TSPAN15: variants seen among roughly 807,000 people sequenced by gnomAD.
The protein encoded by TSPAN15 is tetraspanin-15.
A neutral mutation model predicts 34.5 loss-of-function variants in TSPAN15; 20 were observed. That is an observed-to-expected ratio of 0.58 (90% CI 0.41 to 0.84). The LOEUF is 0.84. Ranked by LOEUF, TSPAN15 falls within the 40% of genes least tolerant of loss-of-function variation. The pLI, the probability that TSPAN15 is intolerant of heterozygous loss-of-function variation, is 0.00. For missense variants in TSPAN15, 313 were observed against 386.1 expected (o/e 0.81, Z 1.59); for synonymous variants, 155 against 153.9 (o/e 1.01, Z -0.05).
At position 69,485,019 on chromosome 10, in the gene TSPAN15, G is replaced by A. The variant is rs960680213; in HGVS notation, c.283-122G>A. ...AGGAGGGGGCAGAGGCCTAGGAGCT[G>A]GTAGGAGCTCCCCGAGGGATGCTTC... On this transcript the variant is annotated intron_variant, in intron 2 of 7. Coordinates refer to ENST00000373290, the MANE Select transcript of TSPAN15 (RefSeq NM_012339.5). The A allele has an allele frequency of 2.2e-5, 20 of 927,588 alleles. No homozygotes were observed. The African/African-American group carries it at 3.2e-4, about 15-fold the overall frequency. 57.5% of individuals were successfully genotyped at this position (927,588 alleles called of 1,614,324 possible). A position where few individuals can be genotyped will look rare whatever the true frequency, so the allele number is the denominator to read the frequency against.
intron 5 of TSPAN15, among the ~76,000 whole-genome samples, chr10:69,502,756 G>A (rs1054696705): frequency 6.6e-6 from 1 of 152,098 alleles, no homozygotes; most frequent in African/African-American, 2.4e-5. Context: ...AAGGGTTCTG[G>A]GCTCTGATGC....
At chr10:69,522,195 C>T in the TSPAN15 span, among the ~76,000 whole-genome samples, 1 of 145,750 alleles carries the variant, frequency 6.9e-6, no homozygotes, top group Non-Finnish European at 1.5e-5. Context: ...CCTGTCTCTA[C>T]TAAAAATACA....
chr10:69,496,338 T>C (rs1165015155), intron 4 of TSPAN15, among the ~76,000 whole-genome samples: 15 of 146,608 alleles, frequency 1.0e-4, no homozygotes, highest in African/African-American at 3.7e-4. Context: ...ATAATAATAA[T>C]AATAATAATA....
At chr10:69,504,137 C>T (rs921748653) in intron 5 of TSPAN15, among the ~76,000 whole-genome samples, 4 of 152,172 alleles carry the variant, frequency 2.6e-5, no homozygotes, top group Non-Finnish European at 5.9e-5. Context: ...GGTCATAGCC[C>T]GGGAGCGTGG....
chr10:69,499,676 A>G (rs1445756934), intron 5 of TSPAN15, among the ~76,000 whole-genome samples: 1 of 152,208 alleles, frequency 6.6e-6, no homozygotes, highest in Non-Finnish European at 1.5e-5. Context: ...TGACAAACAA[A>G]ATAAGTAAAA....
the TSPAN15 span, among the ~76,000 whole-genome samples, chr10:69,529,381 A>C: frequency 6.8e-6 from 1 of 148,050 alleles, no homozygotes; most frequent in Non-Finnish European, 1.5e-5. Context: ...CACTGCCATC[A>C]ATTGCGCAGT....
At chr10:69,496,497 G>C (rs1842088805) in intron 4 of TSPAN15, among the ~76,000 whole-genome samples, 1 of 152,140 alleles carries the variant, frequency 6.6e-6, no homozygotes, top group African/African-American at 2.4e-5. Context: ...GTCGTCATGA[G>C]GATTACCTTG....
intron 3 of TSPAN15, among the ~76,000 whole-genome samples, chr10:69,485,941 G>C (rs1203662863): frequency 6.6e-6 from 1 of 152,192 alleles, no homozygotes; most frequent in African/African-American, 2.4e-5. Context: ...GTGATGCCTG[G>C]CATCCTGGCC....
the TSPAN15 span, among the ~76,000 whole-genome samples, chr10:69,526,431 A>G: frequency 6.7e-6 from 1 of 148,404 alleles, no homozygotes; most frequent in Non-Finnish European, 1.5e-5. Flanking sequence ...AATTGTCAAC[A>G]TCATCAGAGA....
chr10:69,507,182 G>A lies in TSPAN15; in HGVS notation c.*204G>A, dbSNP rs373828363. ...GGGCCTCCCCTAAGAGGCTTTCCCC[G>A]AGGCAGCTCTGGAATCTGTGCCCAC... On this transcript the variant is annotated 3_prime_UTR_variant, in exon 8 of 8. Coordinates refer to ENST00000373290, the MANE Select transcript of TSPAN15 (RefSeq NM_012339.5). 11 of 1,420,754 alleles carry A rather than the reference G, an allele frequency of 7.7e-6. No individual in the cohort carries two copies. Among genetic ancestry groups the A allele is most frequent in the East Asian group, 2.6e-5 (1 of 38,428 alleles). The allele number at this position is 1,420,754 out of a possible 1,614,324, so 88.0% of individuals were successfully genotyped here. A position where few individuals can be genotyped will look rare whatever the true frequency, so the allele number is the denominator to read the frequency against.
intron 1 of TSPAN15, among the ~76,000 whole-genome samples, chr10:69,482,098 G>A (rs1841746581): frequency 6.6e-6 from 1 of 151,854 alleles, no homozygotes; most frequent in African/African-American, 2.4e-5. Flanking sequence ...CAGAAATAGT[G>A]TAGTATGTTA....
chr10:69,452,577 C>G (rs2033372), intron 1 of TSPAN15, among the ~76,000 whole-genome samples: 14,341 of 152,186 alleles, frequency 0.094, 843 homozygotes, highest in Non-Finnish European at 0.13. Context: ...GGTATGGTGC[C>G]TAGTGAAGAG....
At chr10:69,497,217 T>TGGCTTAA (rs1842104550) in intron 4 of TSPAN15, among the ~76,000 whole-genome samples, 1 of 152,184 alleles carries the variant, frequency 6.6e-6, no homozygotes, top group South Asian at 2.1e-4. Context: ...CAAAACCTGG[T>TGGCTTAA]GGCTTAAGGG....
At chr10:69,525,960 A>G in the TSPAN15 span, among the ~76,000 whole-genome samples, 1 of 147,740 alleles carries the variant, frequency 6.8e-6, no homozygotes, top group African/African-American at 2.5e-5. Context: ...ACTATAGGGA[A>G]TTTCTAAAAG....
the TSPAN15 span, among the ~76,000 whole-genome samples, chr10:69,521,071 T>G: frequency 6.2e-4 from 95 of 152,114 alleles, no homozygotes; most frequent in African/African-American, 2.1e-3. Context: ...GCTGCCCAGA[T>G]AGCTGGTAAA....
intron 1 of TSPAN15, among the ~76,000 whole-genome samples, chr10:69,477,301 A>C (rs932101287): frequency 3.9e-5 from 6 of 151,942 alleles, no homozygotes; most frequent in African/African-American, 1.4e-4. Flanking sequence ...CACCCAGCTA[A>C]TTTTTGTATA....
rs2133169777 is a variant in TSPAN15 at position 69,506,856 on chromosome 10, T to C, written c.763T>C (p.Tyr255His). The C allele has an allele frequency of 1.3e-6, 2 of 1,595,516 alleles. No individual in the cohort carries two copies. Among genetic ancestry groups the C allele is most frequent in the East Asian group, 2.3e-5 (1 of 44,264 alleles). ...CCTGGGGGTGCTGCTGACGCTGCTGTACATCACCCGGGTGGAGGACATCAT... is the reference window on the plus strand; with the variant it reads ...CCTGGGGGTGCTGCTGACGCTGCTGCACATCACCCGGGTGGAGGACATCAT... The part of the protein sequence containing the change: ...QFLGVLLTLL[Y>H]ITRVEDIIME... The change falls in exon 8 of 8, where the codon TAC (tyrosine) becomes CAC (histidine). Residue 255 changes from tyrosine to histidine, a missense_variant. By Grantham distance (83) the Tyr-to-His change is moderately conservative. Transcript: ENST00000373290. The surrounding 1 kb of genome is among the most constrained non-coding windows in gnomAD (Gnocchi z 4.7).
In TSPAN15 at chr10:69,507,100, G is replaced by T; in HGVS notation, c.*122G>T. 5 of 1,496,960 alleles carry T rather than the reference G, an allele frequency of 3.3e-6. No individual in the cohort carries two copies. Among genetic ancestry groups the T allele is most frequent in the Non-Finnish European group, 4.4e-6 (5 of 1,125,518 alleles). 92.7% of individuals were successfully genotyped at this position (1,496,960 alleles called of 1,614,324 possible). ...ACACTCAGTACTGACCAAAGCCAGG[G>T]CTGTGTGTGCCTGTGTGTAGGTCCC... On this transcript the variant is annotated 3_prime_UTR_variant, in exon 8 of 8. Transcript: ENST00000373290.
Position 69,506,937 on chromosome 10 carries a change from G to A in TSPAN15, c.844G>A (p.Glu282Lys). 6.2e-7 allele frequency: 1 copy of A among 1,610,208 alleles called. No individual in the cohort carries two copies. Among genetic ancestry groups the A allele is most frequent in the Non-Finnish European group, 8.5e-7 (1 of 1,178,856 alleles). ...LLGPGAKPSV[E>K]AAGTGCCLCY... is the part of the protein sequence containing the mutation. ...GGGGCCCGGTGCCAAGCCCAGCGTG[G>A]AGGCGGCAGGCACGGGATGCTGCTT... The change falls in exon 8 of 8, where the codon GAG becomes AAG. Residue 282 changes from glutamate to lysine, a missense_variant. Physicochemically the swap from Glu to Lys is moderately conservative, Grantham distance 56. Transcript: ENST00000373290. This position sits in a 1 kb window ranked among gnomAD's most constrained non-coding sequence, Gnocchi z 4.7.
Sources: gnomAD v4.1 joint callset for allele counts (sites outside exome capture counted in the v4.1 genomes callset) on GRCh38, gnomAD v4.1.1 for gene constraint, Gnocchi (gnomAD v3.1) non-coding constraint, MANE v1.5 for transcripts, NCBI Gene and HGNC (gene_info 2026-07-23, HGNC 2026-07-21) for gene names.